Variants in ARHGAP15 observed in about 807,000 individuals in gnomAD.
ARHGAP15 encodes the protein Rho GTPase activating protein 15.
In ARHGAP15, 51 loss-of-function variants were observed where a neutral mutation model predicts 63.7. The ratio of observed to expected loss-of-function variants is 0.80; its 90% CI spans 0.64 to 1.01. The LOEUF is 1.01. Ranked by LOEUF, ARHGAP15 falls within the 50% of genes least tolerant of loss-of-function variation. The pLI is 0.00. For missense variants in ARHGAP15, 560 were observed against 564.6 expected, an observed-to-expected ratio of 0.99 and a Z score of 0.08; for synonymous variants, 191 against 193.8, an observed-to-expected ratio of 0.99 and a Z score of 0.12.
intron 2 of ARHGAP15, among the ~76,000 whole-genome samples, chr2:143,192,816 T>C (rs956527841): frequency 6.6e-5 from 10 of 152,234 alleles, no homozygotes; most frequent in Non-Finnish European, 1.2e-4. Context: ...ATGTGCCTTT[T>C]TAATGCAAGG....
At chr2:143,432,584 A>T (rs1034356695) in intron 6 of ARHGAP15, among the ~76,000 whole-genome samples, 1 of 152,086 alleles carries the variant, frequency 6.6e-6, no homozygotes, top group African/African-American at 2.4e-5. Flanking sequence ...TGTTGAATTA[A>T]TTCCCAAAAG....
At chr2:143,267,885 A>G (rs995902815) in intron 6 of ARHGAP15, among the ~76,000 whole-genome samples, 2 of 152,164 alleles carry the variant, frequency 1.3e-5, no homozygotes, top group Non-Finnish European at 2.9e-5. Flanking sequence ...TATGAAATAT[A>G]TCCATGTGGG....
intron 11 of ARHGAP15, among the ~76,000 whole-genome samples, chr2:143,606,035 C>CA (rs869266541): frequency 0.01 from 237 of 22,850 alleles, 54 homozygotes; most frequent in African/African-American, 0.02. Context: ...GACTCTGTCT[C>CA]AAAAAAAAAA....
intron 12 of ARHGAP15, among the ~76,000 whole-genome samples, chr2:143,703,146 A>G (rs184533805): frequency 6.6e-6 from 1 of 152,196 alleles, no homozygotes; most frequent in Non-Finnish European, 1.5e-5. Context: ...TTCTATCTAC[A>G]TTCAAAGAAG....
intron 6 of ARHGAP15, among the ~76,000 whole-genome samples, chr2:143,413,053 A>G (rs1688508567): frequency 6.6e-6 from 1 of 152,166 alleles, no homozygotes. Context: ...TATCTGGATC[A>G]TCTAGATTTA....
intron 6 of ARHGAP15, among the ~76,000 whole-genome samples, chr2:143,326,226 T>C (rs1313086585): frequency 6.6e-6 from 1 of 152,200 alleles, no homozygotes; most frequent in Non-Finnish European, 1.5e-5. Flanking sequence ...AAAGCCCTTT[T>C]CTCATTTAAT....
At chr2:143,415,828 C>T (rs919521095) in intron 6 of ARHGAP15, among the ~76,000 whole-genome samples, 1 of 152,056 alleles carries the variant, frequency 6.6e-6, no homozygotes, top group Non-Finnish European at 1.5e-5. Flanking sequence ...TTTGCAGCAA[C>T]CTGGATGAGA....
chr2:143,419,928 T>C (rs1205233792), intron 6 of ARHGAP15, among the ~76,000 whole-genome samples: 1 of 152,116 alleles, frequency 6.6e-6, no homozygotes, highest in Non-Finnish European at 1.5e-5. Context: ...TCCTTTCACT[T>C]AATTGTTTTA....
intron 6 of ARHGAP15, among the ~76,000 whole-genome samples, chr2:143,320,260 C>T (rs942851413): frequency 2.0e-5 from 3 of 152,122 alleles, no homozygotes; most frequent in Non-Finnish European, 4.4e-5. Flanking sequence ...GGGGCCAGGA[C>T]AGTGGTGGGC....
At chr2:143,644,214 A>G (rs72994423) in intron 12 of ARHGAP15, among the ~76,000 whole-genome samples, 118 of 152,216 alleles carry the variant, frequency 7.8e-4, no homozygotes, top group African/African-American at 2.7e-3. Context: ...TGGTTGGACA[A>G]AAGTATGATC....
intron 12 of ARHGAP15, among the ~76,000 whole-genome samples, chr2:143,650,168 G>A (rs1681091004): frequency 6.6e-6 from 1 of 151,812 alleles, no homozygotes; most frequent in South Asian, 2.1e-4. Context: ...AGAGATAGAT[G>A]CTGGGACTAT....
chr2:143,340,802 C>T (rs1263012035), intron 6 of ARHGAP15, among the ~76,000 whole-genome samples: 1 of 152,060 alleles, frequency 6.6e-6, no homozygotes, highest in Non-Finnish European at 1.5e-5. Flanking sequence ...AGGTTGGTGG[C>T]ACACAATGGA....
At chr2:143,134,105 ATC>A (rs1163825758) in intron 1 of ARHGAP15, among the ~76,000 whole-genome samples, 1 of 9,444 alleles carries the variant, frequency 1.1e-4, no homozygotes, top group African/African-American at 3.5e-4. Flanking sequence ...CTATTTGAAA[ATC>A]TATCTATCTA....
chr2:143,724,475 T>C (rs1256078908), intron 13 of ARHGAP15, among the ~76,000 whole-genome samples: 1 of 152,196 alleles, frequency 6.6e-6, no homozygotes, highest in African/African-American at 2.4e-5. Context: ...TGGTGTAAAA[T>C]TGTAATTAAT....
At position 143,466,053 on chromosome 2, in the gene ARHGAP15, AT is replaced by A. The variant is rs879700731; in HGVS notation, c.704-21308del. Among the ~76,000 whole-genome samples the A allele has an allele frequency of 2.1e-3, 311 of 147,806 alleles. 1 individual carries two copies. The highest frequency in any genetic ancestry group is 6.0e-3 in the African/African-American group (244 of 40,552). On this transcript the variant is annotated intron_variant, in intron 8 of 13. Coordinates refer to ENST00000295095, the MANE Select transcript of ARHGAP15 (RefSeq NM_018460.4). The stretch of plus-strand genomic sequence containing the variant: ...TTTCTTTATTTCCCTGCATTCCAAA[AT>A]TTTTTTTTTTTATTTTCTTTGTAGT...
At chr2:143,421,963 A>G (rs771220597) in intron 6 of ARHGAP15, among the ~76,000 whole-genome samples, 8 of 152,052 alleles carry the variant, frequency 5.3e-5, no homozygotes, top group Non-Finnish European at 1.0e-4. Context: ...ATGTTTCATG[A>G]ACAAAAATGT....
At chr2:143,424,531 T>C (rs1297102295) in intron 6 of ARHGAP15, among the ~76,000 whole-genome samples, 1 of 152,008 alleles carries the variant, frequency 6.6e-6, no homozygotes, top group Non-Finnish European at 1.5e-5. Flanking sequence ...AGGGACAGCT[T>C]CTTCATGTCC....
At chr2:143,397,312 A>ATGTG (rs1378663277) in intron 6 of ARHGAP15, among the ~76,000 whole-genome samples, 3 of 120,682 alleles carry the variant, frequency 2.5e-5, no homozygotes, top group East Asian at 2.8e-4. Context: ...AATATGAGAT[A>ATGTG]TGTATGTGTG....
intron 10 of ARHGAP15, among the ~76,000 whole-genome samples, chr2:143,522,697 G>A (rs1170029583): frequency 1.3e-5 from 2 of 152,112 alleles, no homozygotes; most frequent in African/African-American, 2.4e-5. Context: ...AATAGCTAAT[G>A]AGCTTTAAAA....
Sources: gnomAD v4.1 joint callset for allele counts (sites outside exome capture counted in the v4.1 genomes callset) on GRCh38, gnomAD v4.1.1 for gene constraint, MANE v1.5 for transcripts, NCBI Gene and HGNC (gene_info 2026-07-23, HGNC 2026-07-21) for gene names.